The following CSMD1 variants were observed in gnomAD, a reference collection of about 807,000 sequenced individuals.
The protein encoded by CSMD1 is CUB and Sushi multiple domains 1, also known as CUB and sushi domain-containing protein 1.
In CSMD1, 213 loss-of-function variants were observed where a neutral mutation model predicts 417.5. The ratio of observed to expected loss-of-function variants is 0.51; its 90% CI spans 0.46 to 0.57. CSMD1 has a LOEUF of 0.57. Ranked by LOEUF, CSMD1 falls within the 20% of genes least tolerant of loss-of-function variation. The pLI is 0.00. For missense variants in CSMD1, 6,923 were observed against 4,529.7 expected, an observed-to-expected ratio of 1.53 and a Z score of -15.17; for synonymous variants, 2,862 against 1,736.8, an observed-to-expected ratio of 1.65 and a Z score of -16.11.
At chr8:3,468,689 T>A (rs748444815) in intron 12 of CSMD1, 23 bp downstream of exon 12, 1 of 1,479,614 alleles carries the variant, frequency 6.8e-7, no homozygotes, top group Non-Finnish European at 9.3e-7. Context: ...CTTCCAACCC[T>A]GTGAAGTGTA....
At chr8:4,811,336 T>C (rs937218539) in intron 1 of CSMD1, among the ~76,000 whole-genome samples, 2 of 152,198 alleles carry the variant, frequency 1.3e-5, no homozygotes, top group Non-Finnish European at 2.9e-5. Flanking sequence ...AAGTTTCTTC[T>C]TTCAAACTAC....
chr8:3,898,235 A>G (rs1807497673), intron 5 of CSMD1, among the ~76,000 whole-genome samples: 1 of 152,322 alleles, frequency 6.6e-6, no homozygotes, highest in Non-Finnish European at 1.5e-5. Flanking sequence ...TGAGAAAATA[A>G]AAATAGCTCA....
chr8:3,869,583 A>G (rs1805338711), intron 5 of CSMD1, among the ~76,000 whole-genome samples: 1 of 152,148 alleles, frequency 6.6e-6, no homozygotes, highest in Non-Finnish European at 1.5e-5. Context: ...AAACCTATCT[A>G]TCAGATATAA....
chr8:4,837,197 A>T (rs1380291909), intron 1 of CSMD1, among the ~76,000 whole-genome samples: 1 of 152,210 alleles, frequency 6.6e-6, no homozygotes, highest in Admixed American at 6.5e-5. Context: ...AAAGGAAACC[A>T]TTACATACTA....
intron 2 of CSMD1, among the ~76,000 whole-genome samples, chr8:4,595,143 T>C (rs1800186908): frequency 6.6e-6 from 1 of 152,082 alleles, no homozygotes; most frequent in Non-Finnish European, 1.5e-5. Flanking sequence ...AGCATCCTCA[T>C]TTAGTTTTTC....
chr8:4,569,325 G>C lies in CSMD1; in HGVS notation c.302+68017C>G, dbSNP rs138129972. ...CATCTTGAGTTAATTTTTGTATAAG[G>C]TGTAACGAAGTGATCCAGTTACAGT... On this transcript the variant is annotated intron_variant, in intron 2 of 69. Coordinates refer to ENST00000635120, the MANE Select transcript of CSMD1 (RefSeq NM_033225.6). Among the ~76,000 whole-genome samples the C allele has an allele frequency of 4.4e-3, 675 of 152,290 alleles. 7 individuals carry two copies. Among genetic ancestry groups the C allele is most frequent in the African/African-American group, 0.016 (652 of 41,548 alleles).
intron 23 of CSMD1, among the ~76,000 whole-genome samples, chr8:3,310,443 C>T (rs914248149): frequency 6.6e-6 from 1 of 152,190 alleles, no homozygotes; most frequent in Non-Finnish European, 1.5e-5. Flanking sequence ...GGCAGAATGA[C>T]TTGTTGGAGG....
intron 5 of CSMD1, among the ~76,000 whole-genome samples, chr8:3,790,520 C>G (rs1270034541): frequency 1.3e-5 from 2 of 151,982 alleles, no homozygotes; most frequent in Non-Finnish European, 2.9e-5. Context: ...CGGTGATAAC[C>G]GTGTGATGGT....
intron 4 of CSMD1, among the ~76,000 whole-genome samples, chr8:4,030,220 G>A (rs1436269361): frequency 2.0e-5 from 3 of 152,172 alleles, no homozygotes; most frequent in Non-Finnish European, 4.4e-5. Flanking sequence ...TGCCCCAGTA[G>A]GGACTCTGTG....
At chr8:3,984,523 C>T (rs1585079656) in intron 5 of CSMD1, among the ~76,000 whole-genome samples, 1 of 151,454 alleles carries the variant, frequency 6.6e-6, no homozygotes. Flanking sequence ...GTAATAAGTA[C>T]ACTATTTTGA....
At chr8:3,157,755 T>G in intron 39 of CSMD1, 142 bp downstream of exon 39, 1 of 664,376 alleles carries the variant, frequency 1.5e-6, no homozygotes, top group South Asian at 1.8e-5. Context: ...CATTCTGCTC[T>G]ACTGCATTAT....
intron 3 of CSMD1, among the ~76,000 whole-genome samples, chr8:4,248,821 C>A (rs1020871164): frequency 6.6e-6 from 1 of 152,098 alleles, no homozygotes; most frequent in African/African-American, 2.4e-5. Flanking sequence ...AATTTGGTGA[C>A]TGATGTATCC....
chr8:3,012,922 T>C (rs1044427416), intron 52 of CSMD1, among the ~76,000 whole-genome samples: 4 of 152,160 alleles, frequency 2.6e-5, no homozygotes, highest in Admixed American at 2.6e-4. Context: ...TCTGTTCTCA[T>C]GGTAGTAAAT....
intron 2 of CSMD1, among the ~76,000 whole-genome samples, chr8:4,560,442 G>T (rs779430695): frequency 2.6e-5 from 4 of 152,140 alleles, no homozygotes; most frequent in Admixed American, 2.6e-4. Flanking sequence ...TAGCAATTAT[G>T]CTTCTGCAAT....
intron 1 of CSMD1, among the ~76,000 whole-genome samples, chr8:4,652,805 T>C (rs773992133): frequency 6.6e-6 from 1 of 152,104 alleles, no homozygotes; most frequent in South Asian, 2.1e-4. Flanking sequence ...GGGATGGTTT[T>C]GGGGCATTAG....
At chr8:3,951,882 C>G (rs1460590897) in intron 5 of CSMD1, among the ~76,000 whole-genome samples, 2 of 151,620 alleles carry the variant, frequency 1.3e-5, no homozygotes, top group Non-Finnish European at 2.9e-5. Flanking sequence ...ACTACATAAG[C>G]TATCCTGGAG....
chr8:4,205,743 G>A (rs1585020488), intron 3 of CSMD1, among the ~76,000 whole-genome samples: 6 of 151,834 alleles, frequency 4.0e-5, no homozygotes, highest in Admixed American at 3.3e-4. Flanking sequence ...CTAGGCCACT[G>A]TGAGATGAAC....
At chr8:4,267,599 G>GA (rs1209310889) in intron 3 of CSMD1, among the ~76,000 whole-genome samples, 1 of 151,784 alleles carries the variant, frequency 6.6e-6, no homozygotes, top group Non-Finnish European at 1.5e-5. Flanking sequence ...TTGGTTGGTA[G>GA]AAAAAAATGG....
At chr8:3,272,955 C>G (rs924809660) in intron 26 of CSMD1, among the ~76,000 whole-genome samples, 13 of 150,076 alleles carry the variant, frequency 8.7e-5, no homozygotes, top group East Asian at 2.0e-4. Flanking sequence ...CTGGCCAGAA[C>G]TTCCAACACT....
Sources: gnomAD v4.1 joint callset for allele counts (sites outside exome capture counted in the v4.1 genomes callset) on GRCh38, gnomAD v4.1.1 for gene constraint, MANE v1.5 for transcripts, NCBI Gene and HGNC (gene_info 2026-07-23, HGNC 2026-07-21) for gene names.